Variants in SLC2A13 observed in about 807,000 individuals in gnomAD.
SLC2A13 encodes the protein solute carrier family 2 member 13.
A neutral mutation model predicts 64.4 loss-of-function variants in SLC2A13; 32 were observed. The observed-to-expected ratio is 0.50, with a 90% CI of 0.37 to 0.67. The LOEUF is 0.67. SLC2A13 is among the 30% of genes least tolerant of loss of function. The probability of loss-of-function intolerance (pLI) is 0.00; values close to 1 mark genes in which losing one functional copy is unlikely to be tolerated. For missense variants in SLC2A13, 743 were observed against 829.2 expected, an observed-to-expected ratio of 0.90 and a Z score of 1.28; for synonymous variants, 338 against 327.1, an observed-to-expected ratio of 1.03 and a Z score of -0.36.
At chr12:39,944,849 T>C (rs890469315) in intron 4 of SLC2A13, among the ~76,000 whole-genome samples, 3 of 152,236 alleles carry the variant, frequency 2.0e-5, no homozygotes, top group Admixed American at 6.5e-5. Flanking sequence ...AATGTTTGTA[T>C]TGAAATGTGA....
At chr12:40,096,928 T>C (rs1938964045) in intron 1 of SLC2A13, among the ~76,000 whole-genome samples, 1 of 152,128 alleles carries the variant, frequency 6.6e-6, no homozygotes, top group South Asian at 2.1e-4. Context: ...ATATTTCGCT[T>C]TCACAATCAA....
At chr12:39,776,444 G>A (rs975531326) in intron 7 of SLC2A13, among the ~76,000 whole-genome samples, 1 of 152,132 alleles carries the variant, frequency 6.6e-6, no homozygotes, top group Non-Finnish European at 1.5e-5. Flanking sequence ...GAAGCGGCTT[G>A]GCAAGGGGTG....
At chr12:39,970,857 T>C (rs969737148) in intron 3 of SLC2A13, among the ~76,000 whole-genome samples, 12 of 152,192 alleles carry the variant, frequency 7.9e-5, no homozygotes, top group African/African-American at 2.7e-4. Context: ...TAAAAAACTA[T>C]ATAGATGCCA....
chr12:39,805,514 GTT>G (rs10714045), intron 7 of SLC2A13, among the ~76,000 whole-genome samples: 28,527 of 149,182 alleles, frequency 0.19, 2,923 homozygotes, highest in East Asian at 0.33. Context: ...GCCTCTGTTG[GTT>G]TTTTTTTTTT....
At chr12:40,094,771 T>C (rs903987320) in intron 1 of SLC2A13, among the ~76,000 whole-genome samples, 4 of 152,232 alleles carry the variant, frequency 2.6e-5, no homozygotes, top group African/African-American at 9.6e-5. Flanking sequence ...CAGAAATTTT[T>C]AAGACTGCAA....
chr12:39,798,544 C>T lies in SLC2A13; in HGVS notation c.1445+31559G>A, dbSNP rs141359081. ...TCAAAAATTTACAACATACTTATTA[C>T]GCATAAGAGCGCTTCAACTGTTTCT... On this transcript the variant is annotated intron_variant, in intron 7 of 9. Transcript: ENST00000280871. Among the ~76,000 whole-genome samples the T allele has an allele frequency of 2.3e-3, 347 of 152,298 alleles. 2 individuals carry two copies. The highest frequency in any genetic ancestry group is 2.5e-3 in the East Asian group (13 of 5,194).
chr12:40,068,828 T>C (rs1278066614), intron 1 of SLC2A13, among the ~76,000 whole-genome samples: 2 of 150,486 alleles, frequency 1.3e-5, no homozygotes, highest in Non-Finnish European at 3.0e-5. Context: ...ATGAGATCTC[T>C]TGTTTTTTTT....
intron 7 of SLC2A13, among the ~76,000 whole-genome samples, chr12:39,821,504 A>G (rs1045364805): frequency 6.6e-6 from 1 of 152,196 alleles, no homozygotes; most frequent in African/African-American, 2.4e-5. Flanking sequence ...CAGAGTAACA[A>G]AAGAGAGCGA....
intron 7 of SLC2A13, among the ~76,000 whole-genome samples, chr12:39,775,139 A>G (rs1940731279): frequency 6.6e-6 from 1 of 152,188 alleles, no homozygotes; most frequent in Admixed American, 6.5e-5. Flanking sequence ...AGATTAACAT[A>G]GATAGAGAAT....
At chr12:39,839,810 T>C (rs907298088) in intron 6 of SLC2A13, among the ~76,000 whole-genome samples, 1 of 152,110 alleles carries the variant, frequency 6.6e-6, no homozygotes, top group Non-Finnish European at 1.5e-5. Flanking sequence ...GTGCCAGAAC[T>C]ACACTTCCAA....
chr12:39,815,449 C>T lies in SLC2A13; in HGVS notation c.1445+14654G>A, dbSNP rs74086717. Among the ~76,000 whole-genome samples the T allele has an allele frequency of 5.6e-3, 847 of 152,232 alleles. 7 individuals are homozygous for T. Among genetic ancestry groups the T allele is most frequent in the African/African-American group, 0.02 (820 of 41,546 alleles). On this transcript the variant is annotated intron_variant, in intron 7 of 9. Coordinates refer to ENST00000280871, the MANE Select transcript of SLC2A13 (RefSeq NM_052885.4). ...TCTTTGTCAAAACAGCTATAGGACT[C>T]GTAGGCTGGAGCATTCTTTCTTTTC...
chr12:39,935,879 C>T (rs1439037665), intron 4 of SLC2A13, among the ~76,000 whole-genome samples: 1 of 152,210 alleles, frequency 6.6e-6, no homozygotes, highest in Non-Finnish European at 1.5e-5. Flanking sequence ...CCTTATACAT[C>T]TCATCTTTGT....
At chr12:39,939,990 T>C (rs1337149987) in intron 4 of SLC2A13, among the ~76,000 whole-genome samples, 1 of 152,160 alleles carries the variant, frequency 6.6e-6, no homozygotes, top group Non-Finnish European at 1.5e-5. Flanking sequence ...ACCTTGAATC[T>C]AATTTTCCTG....
intron 4 of SLC2A13, among the ~76,000 whole-genome samples, chr12:39,929,206 C>T (rs939173470): frequency 4.6e-5 from 7 of 152,158 alleles, no homozygotes; most frequent in Non-Finnish European, 7.4e-5. Context: ...GAACTTTTCA[C>T]AGGAAACTAG....
At chr12:39,936,113 T>C (rs1945913364) in intron 4 of SLC2A13, among the ~76,000 whole-genome samples, 1 of 152,234 alleles carries the variant, frequency 6.6e-6, no homozygotes, top group South Asian at 2.1e-4. Context: ...ATTGATTTTG[T>C]TGCAGAAAGT....
At chr12:39,860,809 T>C (rs1391489327) in intron 6 of SLC2A13, among the ~76,000 whole-genome samples, 16 of 152,138 alleles carry the variant, frequency 1.1e-4, no homozygotes, top group African/African-American at 2.4e-5. Flanking sequence ...CAGGCAACTG[T>C]CATCTCTCTC....
intron 4 of SLC2A13, among the ~76,000 whole-genome samples, chr12:39,920,574 T>A (rs190909931): frequency 6.6e-6 from 1 of 152,132 alleles, no homozygotes; most frequent in Admixed American, 6.5e-5. Context: ...ATCTGGTCAG[T>A]GAACATTTAT....
chr12:40,055,409 TTCTA>T (rs1393236238), intron 1 of SLC2A13, among the ~76,000 whole-genome samples: 4 of 152,224 alleles, frequency 2.6e-5, no homozygotes, highest in Non-Finnish European at 4.4e-5. Context: ...CTTGAGAATC[TTCTA>T]TCTGTCTATG....
chr12:40,016,229 T>C (rs1412590712), intron 3 of SLC2A13, among the ~76,000 whole-genome samples: 1 of 152,084 alleles, frequency 6.6e-6, no homozygotes, highest in Admixed American at 6.5e-5. Flanking sequence ...AATCTGAATA[T>C]CCACAGGACC....
Sources: gnomAD v4.1 joint callset for allele counts (sites outside exome capture counted in the v4.1 genomes callset) on GRCh38, gnomAD v4.1.1 for gene constraint, MANE v1.5 for transcripts, NCBI Gene and HGNC (gene_info 2026-07-23, HGNC 2026-07-21) for gene names.